The following HS2ST1 variants were observed in gnomAD, a reference collection of about 807,000 sequenced individuals.
HS2ST1 encodes 2-O-sulfotransferase.
HS2ST1 carries 18 observed loss-of-function variants against 42.9 expected under a neutral mutation model. The ratio of observed to expected loss-of-function variants is 0.42; its 90% CI spans 0.29 to 0.62. HS2ST1 has a LOEUF of 0.62. Ranked by LOEUF, HS2ST1 falls within the 20% of genes least tolerant of loss-of-function variation. The probability of loss-of-function intolerance (pLI) is 0.21; values close to 1 mark genes in which losing one functional copy is unlikely to be tolerated. For synonymous variants in HS2ST1, 146 were observed against 152.9 expected (o/e 0.95, Z 0.33); for missense variants, 334 against 433.8 (o/e 0.77, Z 2.04).
chr1:87,001,074 G>GTA (rs1368918099), intron 1 of HS2ST1, among the ~76,000 whole-genome samples: 1 of 152,122 alleles, frequency 6.6e-6, no homozygotes, highest in African/African-American at 2.4e-5. Flanking sequence ...TGATAATGTT[G>GTA]TATATCACTT....
intron 1 of HS2ST1, among the ~76,000 whole-genome samples, chr1:87,033,134 T>C (rs1650281627): frequency 6.6e-6 from 1 of 152,202 alleles, no homozygotes; most frequent in South Asian, 2.1e-4. Context: ...ATTTTCAAAA[T>C]ATACATAAGT....
chr1:87,097,705 A>T (rs113186720), intron 4 of HS2ST1, 133 bp from the exon 5 acceptor site: 22,524 of 1,009,636 alleles, frequency 0.022, 352 homozygotes, highest in South Asian at 0.053. Context: ...ATTAATTTAC[A>T]TGACTCCAAA....
intron 1 of HS2ST1, among the ~76,000 whole-genome samples, chr1:86,992,516 G>A (rs528554890): frequency 1.2e-4 from 18 of 152,090 alleles, no homozygotes; most frequent in South Asian, 4.2e-4. Flanking sequence ...ACAGGCATGC[G>A]CCACCACGCC....
intron 1 of HS2ST1, among the ~76,000 whole-genome samples, chr1:87,003,931 A>T (rs1455969712): frequency 6.6e-6 from 1 of 152,206 alleles, no homozygotes; most frequent in Non-Finnish European, 1.5e-5. Context: ...TCTTCTGTGG[A>T]TACTGAGGGA....
At chr1:87,012,462 T>C (rs1039464075) in intron 1 of HS2ST1, among the ~76,000 whole-genome samples, 6 of 152,132 alleles carry the variant, frequency 3.9e-5, no homozygotes, top group African/African-American at 1.4e-4. Flanking sequence ...TACACTATCA[T>C]GAGAACAGCA....
chr1:86,939,718 TAA>T (rs1201195273), intron 1 of HS2ST1, among the ~76,000 whole-genome samples: 3 of 152,212 alleles, frequency 2.0e-5, no homozygotes, highest in Non-Finnish European at 4.4e-5. Context: ...TAACACGTGT[TAA>T]AATTGGCTCC....
At chr1:87,079,434 G>A (rs1265126605) in intron 2 of HS2ST1, among the ~76,000 whole-genome samples, 3 of 152,146 alleles carry the variant, frequency 2.0e-5, no homozygotes, top group African/African-American at 7.2e-5. Context: ...CACTGCACCT[G>A]GCCAACACTT....
intron 1 of HS2ST1, among the ~76,000 whole-genome samples, chr1:87,040,499 G>T (rs1158367320): frequency 6.6e-6 from 1 of 152,108 alleles, no homozygotes; most frequent in Admixed American, 6.5e-5. Context: ...GTTTTGCAGG[G>T]AGCTTGTGGT....
chr1:86,920,834 C>T (rs1477260095), intron 1 of HS2ST1, among the ~76,000 whole-genome samples: 2 of 152,166 alleles, frequency 1.3e-5, no homozygotes, highest in Admixed American at 6.5e-5. Flanking sequence ...TGCTCCTGTT[C>T]GGTCATTTGT....
chr1:86,969,505 A>G (rs916230151), intron 1 of HS2ST1, among the ~76,000 whole-genome samples: 2 of 152,192 alleles, frequency 1.3e-5, no homozygotes, highest in African/African-American at 4.8e-5. Flanking sequence ...ATGGTTTTCT[A>G]AGAGCTAGAC....
intron 1 of HS2ST1, among the ~76,000 whole-genome samples, chr1:87,012,885 T>C (rs1224841022): frequency 1.3e-5 from 2 of 152,140 alleles, no homozygotes; most frequent in Admixed American, 1.3e-4. Flanking sequence ...AGTGGGGCAG[T>C]CAAATCTTAA....
At chr1:87,053,886 CTT>C (rs1433530624) in intron 1 of HS2ST1, among the ~76,000 whole-genome samples, 1 of 108,590 alleles carries the variant, frequency 9.2e-6, no homozygotes, top group East Asian at 2.9e-4. Flanking sequence ...TCAAAATTCT[CTT>C]TTGATGTTTA....
At chr1:86,951,178 A>T (rs775739249) in intron 1 of HS2ST1, among the ~76,000 whole-genome samples, 1 of 152,222 alleles carries the variant, frequency 6.6e-6, no homozygotes, top group African/African-American at 2.4e-5. Context: ...AAACATTTAC[A>T]TATCAGTTCT....
At chr1:86,973,264 T>C (rs1415965465) in intron 1 of HS2ST1, among the ~76,000 whole-genome samples, 1 of 152,044 alleles carries the variant, frequency 6.6e-6, no homozygotes, top group Non-Finnish European at 1.5e-5. Flanking sequence ...GATCTATGGA[T>C]TTATCATTCA....
At chr1:87,091,228 A>G (rs559743840) in intron 3 of HS2ST1, among the ~76,000 whole-genome samples, 8 of 152,156 alleles carry the variant, frequency 5.3e-5, no homozygotes, top group African/African-American at 1.9e-4. Context: ...ATGTAGAAAA[A>G]AGAAAAATGA....
intron 1 of HS2ST1, among the ~76,000 whole-genome samples, chr1:86,979,418 A>G (rs1648516039): frequency 6.6e-6 from 1 of 152,108 alleles, no homozygotes; most frequent in Non-Finnish European, 1.5e-5. Context: ...TGTGAATTTG[A>G]CTATTCCAGA....
chr1:86,923,398 C>CTT (rs1440334959), intron 1 of HS2ST1, among the ~76,000 whole-genome samples: 7 of 137,824 alleles, frequency 5.1e-5, no homozygotes, highest in African/African-American at 8.0e-5. Context: ...AGGGGAACGC[C>CTT]TTTTTTTTTT....
intron 1 of HS2ST1, among the ~76,000 whole-genome samples, chr1:86,970,178 T>C (rs1426935722): frequency 1.3e-5 from 2 of 152,028 alleles, no homozygotes; most frequent in African/African-American, 2.4e-5. Context: ...TAACATTTTA[T>C]AACAGAATGA....
intron 1 of HS2ST1, among the ~76,000 whole-genome samples, chr1:86,927,057 C>T (rs993154124): frequency 2.6e-5 from 4 of 152,082 alleles, no homozygotes; most frequent in African/African-American, 9.7e-5. Context: ...TTTTGCTTTT[C>T]CTGTTAGTAT....
Sources: allele counts gnomAD v4.1 joint callset (sites outside exome capture counted in the v4.1 genomes callset), GRCh38; gene constraint gnomAD v4.1.1; transcripts MANE v1.5; gene names NCBI Gene and HGNC (gene_info 2026-07-23, HGNC 2026-07-21).